ARHGAP24: variants seen among roughly 807,000 people sequenced by gnomAD.
ARHGAP24 encodes the protein rho GTPase-activating protein 24.
ARHGAP24 carries 50 observed loss-of-function variants against 76.4 expected under a neutral mutation model. The observed-to-expected ratio is 0.65, with a 90% CI of 0.52 to 0.83. The LOEUF is 0.83. Ranked by LOEUF, ARHGAP24 falls within the 40% of genes least tolerant of loss-of-function variation. The probability of loss-of-function intolerance (pLI) is 0.00; values close to 1 mark genes in which losing one functional copy is unlikely to be tolerated. For missense variants in ARHGAP24, 930 were observed against 914.2 expected (o/e 1.02, Z -0.22); for synonymous variants, 345 against 323.3 (o/e 1.07, Z -0.72).
At chr4:85,542,693 T>C (rs1443995514) in intron 1 of ARHGAP24, among the ~76,000 whole-genome samples, 1 of 145,354 alleles carries the variant, frequency 6.9e-6, no homozygotes, top group Non-Finnish European at 1.5e-5. Flanking sequence ...AAGTAGCATG[T>C]ATGAAATAAT....
intron 3 of ARHGAP24, among the ~76,000 whole-genome samples, chr4:85,784,236 T>C (rs1354612124): frequency 1.3e-5 from 2 of 152,100 alleles, no homozygotes; most frequent in Non-Finnish European, 2.9e-5. Flanking sequence ...AATAGTTCTG[T>C]CTTTTGATAT....
rs559365350 is a variant in ARHGAP24 at position 85,660,199 on chromosome 4, A to G, written c.181-61686A>G. On this transcript the variant is annotated intron_variant, in intron 2 of 9. Coordinates refer to ENST00000395184, the MANE Select transcript of ARHGAP24 (RefSeq NM_001025616.3). ...CTCCTTACCTATATTGAAGGAGCCA[A>G]TCAGTAAATACCTAAGTCCTGCCTG... Among the ~76,000 whole-genome samples the G allele has an allele frequency of 3.3e-5, 5 of 152,324 alleles. No individual in the cohort carries two copies. The East Asian group carries it at 9.6e-4, about 29-fold the overall frequency.
chr4:85,479,234 T>C (rs1476086742), intron 1 of ARHGAP24, among the ~76,000 whole-genome samples: 1 of 152,194 alleles, frequency 6.6e-6, no homozygotes, highest in African/African-American at 2.4e-5. Context: ...ATCTCTATAA[T>C]AGATGAAATA....
intron 5 of ARHGAP24, among the ~76,000 whole-genome samples, chr4:85,950,582 C>T (rs1737552773): frequency 6.6e-6 from 1 of 151,962 alleles, no homozygotes; most frequent in African/African-American, 2.4e-5. Context: ...GAATAGTGTC[C>T]ACGGAGGTTG....
chr4:85,724,211 A>T (rs969869067), intron 3 of ARHGAP24, among the ~76,000 whole-genome samples: 1 of 152,182 alleles, frequency 6.6e-6, no homozygotes, highest in Non-Finnish European at 1.5e-5. Flanking sequence ...GCCACTTCTG[A>T]AAATCTATCA....
chr4:85,977,788 A>G, intron 8 of ARHGAP24, 97 bp downstream of exon 8: 1 of 1,433,898 alleles, frequency 7.0e-7, no homozygotes, highest in Non-Finnish European at 9.8e-7. Flanking sequence ...CAAGGTAATA[A>G]GTGAATACAT....
intron 3 of ARHGAP24, among the ~76,000 whole-genome samples, chr4:85,782,036 CAAAAAAAAA>C (rs11353046): frequency 6.6e-5 from 7 of 106,656 alleles, no homozygotes; most frequent in Non-Finnish European, 1.3e-4. Flanking sequence ...GATTCTATCT[CAAAAAAAAA>C]AAAAAAGAAA....
intron 3 of ARHGAP24, among the ~76,000 whole-genome samples, chr4:85,799,624 T>C (rs1728499539): frequency 6.6e-6 from 1 of 152,198 alleles, no homozygotes; most frequent in African/African-American, 2.4e-5. Flanking sequence ...CTATGAATGC[T>C]AAAATTGGTG....
chr4:85,581,584 A>G (rs1343206951), intron 2 of ARHGAP24, among the ~76,000 whole-genome samples: 1 of 152,144 alleles, frequency 6.6e-6, no homozygotes, highest in South Asian at 2.1e-4. Context: ...TGCATTGATT[A>G]TTTGAATAAA....
At position 85,731,490 on chromosome 4, in the gene ARHGAP24, G is replaced by C. The variant is rs115055596; in HGVS notation, c.268+9518G>C. Among the ~76,000 whole-genome samples, 561 of 152,250 alleles carry C rather than the reference G, an allele frequency of 3.7e-3. 6 individuals carry two copies. The highest frequency in any genetic ancestry group is 0.013 in the African/African-American group (523 of 41,536). Reference sequence around the variant, plus strand: ...ACAAGACTGCAGTTTTATCATCTATGGATTGATCACATTGGATTAGTCAAA... The same window carrying C: ...ACAAGACTGCAGTTTTATCATCTATCGATTGATCACATTGGATTAGTCAAA... On this transcript the variant is annotated intron_variant, in intron 3 of 9. Coordinates refer to ENST00000395184, the MANE Select transcript of ARHGAP24 (RefSeq NM_001025616.3).
At chr4:85,659,853 C>T (rs1057486615) in intron 2 of ARHGAP24, among the ~76,000 whole-genome samples, 2 of 152,158 alleles carry the variant, frequency 1.3e-5, no homozygotes, top group Non-Finnish European at 2.9e-5. Context: ...TAGTACCACA[C>T]ACTTCCCCAA....
At chr4:85,777,863 T>C (rs1177511720) in intron 3 of ARHGAP24, among the ~76,000 whole-genome samples, 1 of 152,160 alleles carries the variant, frequency 6.6e-6, no homozygotes, top group Non-Finnish European at 1.5e-5. Context: ...TAGAAAAACA[T>C]AATTTATTCA....
intron 3 of ARHGAP24, among the ~76,000 whole-genome samples, chr4:85,912,469 C>T (rs1053656656): frequency 5.3e-5 from 8 of 152,108 alleles, no homozygotes; most frequent in Non-Finnish European, 8.8e-5. Context: ...AAAATTTAAA[C>T]CCAAATTAGA....
intron 3 of ARHGAP24, among the ~76,000 whole-genome samples, chr4:85,751,725 G>A (rs1279781565): frequency 1.3e-5 from 2 of 152,156 alleles, no homozygotes; most frequent in Non-Finnish European, 2.9e-5. Context: ...TTGTTCCCAG[G>A]AAACTGCCTT....
chr4:85,691,393 G>C (rs182096487), intron 2 of ARHGAP24, among the ~76,000 whole-genome samples: 5 of 152,240 alleles, frequency 3.3e-5, no homozygotes, highest in Admixed American at 2.0e-4. Flanking sequence ...TTTAAGTCTA[G>C]AATCTCTTTG....
chr4:85,662,608 A>G (rs1722441796), intron 2 of ARHGAP24, among the ~76,000 whole-genome samples: 1 of 151,756 alleles, frequency 6.6e-6, no homozygotes, highest in African/African-American at 2.4e-5. Context: ...TATGTCCTGA[A>G]TGGTATTGCC....
chr4:85,538,333 A>G (rs960726980), intron 1 of ARHGAP24, among the ~76,000 whole-genome samples: 8 of 152,192 alleles, frequency 5.3e-5, no homozygotes, highest in African/African-American at 1.2e-4. Flanking sequence ...CACCGTAGTT[A>G]TATGTTGATT....
chr4:85,736,136 T>G (rs902981890), intron 3 of ARHGAP24, among the ~76,000 whole-genome samples: 5 of 152,174 alleles, frequency 3.3e-5, no homozygotes, highest in Admixed American at 1.3e-4. Flanking sequence ...TCAAATGGTA[T>G]GTCAATTGCT....
intron 3 of ARHGAP24, among the ~76,000 whole-genome samples, chr4:85,727,137 T>C (rs1438365141): frequency 2.6e-5 from 4 of 152,096 alleles, no homozygotes; most frequent in African/African-American, 9.7e-5. Flanking sequence ...GGAGAATCCC[T>C]TGAACCCAGG....
Sources: allele counts gnomAD v4.1 joint callset (sites outside exome capture counted in the v4.1 genomes callset), GRCh38; gene constraint gnomAD v4.1.1; transcripts MANE v1.5; gene names NCBI Gene and HGNC (gene_info 2026-07-23, HGNC 2026-07-21).